Variants in EIF4E3 observed in about 807,000 individuals in gnomAD.
EIF4E3 encodes the protein eukaryotic translation initiation factor 4E family member 3.
Under a neutral mutation model 31.7 loss-of-function variants are expected in EIF4E3, and 26 were observed. That is an observed-to-expected ratio of 0.82 (90% CI 0.60 to 1.14). EIF4E3 has a LOEUF of 1.14. Among genes scored for constraint, EIF4E3 ranks in the 50% most tolerant of loss-of-function variants. The probability of loss-of-function intolerance (pLI) is 0.00; values close to 1 mark genes in which losing one functional copy is unlikely to be tolerated. For synonymous variants in EIF4E3, 128 were observed against 107.7 expected (o/e 1.19, Z -1.17); for missense variants, 304 against 270.9 (o/e 1.12, Z -0.86).
chr3:71,695,020 A>G (rs1302946656), intron 4 of EIF4E3, among the ~76,000 whole-genome samples: 1 of 152,172 alleles, frequency 6.6e-6, no homozygotes, highest in African/African-American at 2.4e-5. Flanking sequence ...TGAATCTTTA[A>G]CCAAGGCCAT....
At chr3:71,668,175 T>C in the EIF4E3 span, among the ~76,000 whole-genome samples, 3 of 152,168 alleles carry the variant, frequency 2.0e-5, no homozygotes, top group East Asian at 1.9e-4. Context: ...ATTTAATAAA[T>C]AGTGTTGCGA....
At chr3:71,665,897 C>T in the EIF4E3 span, among the ~76,000 whole-genome samples, 1 of 152,150 alleles carries the variant, frequency 6.6e-6, no homozygotes, top group African/African-American at 2.4e-5. Context: ...TTCTTTGAAA[C>T]CAATGAGAAC....
upstream of EIF4E3, chr3:71,754,756 G>A: frequency 7.4e-7 from 1 of 1,349,788 alleles, no homozygotes; most frequent in Non-Finnish European, 9.6e-7. The surrounding 1 kb of genome is among the most constrained non-coding windows in gnomAD (Gnocchi z 5.8). Context: ...GGCGCCACCG[G>A]CCAGGCGGCC....
chr3:71,687,507 T>C (rs1168513141), intron 6 of EIF4E3, among the ~76,000 whole-genome samples: 1 of 152,248 alleles, frequency 6.6e-6, no homozygotes, highest in African/African-American at 2.4e-5. Context: ...GCTATACCTA[T>C]ACAGAAACAG....
At chr3:71,688,402 AT>A (rs2049020287) in intron 6 of EIF4E3, among the ~76,000 whole-genome samples, 1 of 152,206 alleles carries the variant, frequency 6.6e-6, no homozygotes, top group African/African-American at 2.4e-5. Context: ...TAATCATAGA[AT>A]TTTGCAGTAG....
chr3:71,726,646 T>C (rs2049642783), upstream of EIF4E3, among the ~76,000 whole-genome samples: 1 of 152,176 alleles, frequency 6.6e-6, no homozygotes, highest in Admixed American at 6.5e-5. Context: ...CAAGATGAGT[T>C]CAGGGGCATC....
intron 1 of EIF4E3, among the ~76,000 whole-genome samples, chr3:71,749,187 G>A (rs548508188): frequency 5.3e-5 from 8 of 152,318 alleles, no homozygotes; most frequent in African/African-American, 1.4e-4. Context: ...ATATTCAGAC[G>A]TTCAGAGCAG....
chr3:71,705,812 A>T (rs2049285802), intron 2 of EIF4E3, among the ~76,000 whole-genome samples: 1 of 152,020 alleles, frequency 6.6e-6, no homozygotes, highest in African/African-American at 2.4e-5. Flanking sequence ...TTTCTCCCAG[A>T]GATGTGGGTC....
intron 1 of EIF4E3, among the ~76,000 whole-genome samples, chr3:71,733,024 G>A (rs1553668172): frequency 6.6e-6 from 1 of 152,212 alleles, no homozygotes; most frequent in Non-Finnish European, 1.5e-5. Context: ...TTCCTGGAGG[G>A]GATAACCCTA....
At chr3:71,693,027 G>T (rs937363061) in intron 5 of EIF4E3, among the ~76,000 whole-genome samples, 1 of 152,078 alleles carries the variant, frequency 6.6e-6, no homozygotes, top group South Asian at 2.1e-4. Context: ...TCTCAAACAC[G>T]GCCCCATCTA....
rs546183592 is a variant in EIF4E3 at position 71,683,916 on chromosome 3, T to C, written c.*766A>G. The C allele has an allele frequency of 2.6e-5, 4 of 152,278 alleles. 1 individual carries two copies. The highest frequency in any genetic ancestry group is 1.9e-4 in the East Asian group (1 of 5,186). 9.4% of individuals were successfully genotyped at this position (152,278 alleles called of 1,614,324 possible). A position where few individuals can be genotyped will look rare whatever the true frequency, so the allele number is the denominator to read the frequency against. On this transcript the variant is annotated 3_prime_UTR_variant, in exon 7 of 7. Coordinates refer to ENST00000425534, the MANE Select transcript of EIF4E3 (RefSeq NM_001134651.2). ...CCTTGCTACCACTCTAAGCCTTTGG[T>C]TGAAAAGGCCAAATTAAAATTCGGG...
upstream of EIF4E3, chr3:71,754,089 G>A (rs2049971018): frequency 2.2e-6 from 3 of 1,348,512 alleles, no homozygotes; most frequent in Non-Finnish European, 2.9e-6. This position sits in a 1 kb window ranked among gnomAD's most constrained non-coding sequence, Gnocchi z 5.8. Context: ...CGGCGGCGGC[G>A]AGGCGGCCGC....
upstream of EIF4E3, among the ~76,000 whole-genome samples, chr3:71,730,337 A>G (rs877359): frequency 0.18 from 27,621 of 152,208 alleles, 2,567 homozygotes; most frequent in East Asian, 0.32. Flanking sequence ...CATCTAGGGT[A>G]CAGATAACAA....
In EIF4E3 at chr3:71,684,725, T is replaced by C. The variant is rs147569869; in HGVS notation, c.632A>G (p.His211Arg). The change falls in exon 7 of 7, where the codon CAT becomes CGT. Residue 211 changes from histidine to arginine, a missense_variant. His to Arg is a conservative substitution (Grantham distance 29). Transcript: ENST00000425534. ...ITFKAVFYKP[H>R]EEHHAFEGGR... is the part of the protein sequence containing the mutation. ...ACCTTCAAAAGCATGATGCTCTTCA[T>C]GGGCTAAAGGACAGAAAAAAAACAA... 4 of 1,613,534 alleles carry C rather than the reference T, an allele frequency of 2.5e-6. No homozygotes were observed. The highest frequency in any genetic ancestry group is 1.3e-5 in the African/African-American group (1 of 74,744).
upstream of EIF4E3, chr3:71,754,645 T>C: frequency 6.7e-7 from 1 of 1,491,824 alleles, no homozygotes; most frequent in Admixed American, 2.1e-5. The surrounding 1 kb of genome is among the most constrained non-coding windows in gnomAD (Gnocchi z 5.8). Flanking sequence ...GCCACGCACC[T>C]CGTCTACCTC....
chr3:71,669,977 C>A, the EIF4E3 span, among the ~76,000 whole-genome samples: 3 of 152,210 alleles, frequency 2.0e-5, no homozygotes, highest in Non-Finnish European at 4.4e-5. Context: ...GGACAAGACA[C>A]AACACTGACA....
At chr3:71,665,348 G>A in the EIF4E3 span, among the ~76,000 whole-genome samples, 3 of 152,200 alleles carry the variant, frequency 2.0e-5, no homozygotes, top group African/African-American at 4.8e-5. Flanking sequence ...TGAAAGCCAC[G>A]CTGGTTAGTT....
intron 1 of EIF4E3, among the ~76,000 whole-genome samples, chr3:71,724,849 G>A (rs1352656916): frequency 6.6e-6 from 1 of 152,174 alleles, no homozygotes; most frequent in Non-Finnish European, 1.5e-5. Flanking sequence ...CTGCAGCAGG[G>A]ACGCGGCCAC....
the EIF4E3 span, among the ~76,000 whole-genome samples, chr3:71,670,076 T>C: frequency 6.6e-6 from 1 of 152,198 alleles, no homozygotes; most frequent in African/African-American, 2.4e-5. Context: ...TAAGGAATAT[T>C]TGTCTATCAG....
Sources: allele counts gnomAD v4.1 joint callset (sites outside exome capture counted in the v4.1 genomes callset), GRCh38; gene constraint gnomAD v4.1.1; non-coding constraint Gnocchi (gnomAD v3.1); transcripts MANE v1.5; gene names NCBI Gene and HGNC (gene_info 2026-07-23, HGNC 2026-07-21).